The following STK32C variants were observed in gnomAD, a reference collection of about 807,000 sequenced individuals.
STK32C encodes serine/threonine kinase 32C.
In STK32C, 31 loss-of-function variants were observed where a neutral mutation model predicts 56.5. The observed-to-expected ratio is 0.55, with a 90% CI of 0.41 to 0.74. The LOEUF (loss-of-function observed/expected upper bound fraction) is 0.74. STK32C is among the 30% of genes least tolerant of loss of function. The pLI, the probability that STK32C is intolerant of heterozygous loss-of-function variation, is 0.00. For synonymous variants in STK32C, 309 were observed against 289.4 expected, an observed-to-expected ratio of 1.07 and a Z score of -0.69; for missense variants, 544 against 676.9, an observed-to-expected ratio of 0.80 and a Z score of 2.18.
rs889053528 is a variant in STK32C, at chr10:132,313,656, G to T, written c.301+17780C>A. ...ATGGGCAGACGTCAGCCAAAGGGGA[G>T]CAGGAGAGCAGCCCTCCGGGCAGAA... is the stretch of plus-strand genomic sequence containing the variant. On this transcript the variant is annotated intron_variant, in intron 1 of 3. Transcript: ENST00000368620. Among the ~76,000 whole-genome samples the T allele has an allele frequency of 4.6e-5, 7 of 152,246 alleles. No homozygotes were observed. The East Asian group carries it at 1.3e-3, about 29-fold the overall frequency.
upstream of STK32C, among the ~76,000 whole-genome samples, chr10:132,311,227 T>C (rs1359856578): frequency 6.6e-6 from 1 of 152,154 alleles, no homozygotes; most frequent in Non-Finnish European, 1.5e-5. The surrounding 1 kb of genome is among the most constrained non-coding windows in gnomAD (Gnocchi z 4.4). Flanking sequence ...GCCCACGCCT[T>C]TGTTAAGAGT....
chr10:132,251,007 G>A (rs1227533525), intron 1 of STK32C, among the ~76,000 whole-genome samples: 1 of 152,194 alleles, frequency 6.6e-6, no homozygotes, highest in Non-Finnish European at 1.5e-5. Context: ...CCTGGGTGGG[G>A]CCTATGGAGC....
In STK32C at chr10:132,273,084, AT is replaced by A. The variant is rs368590676; in HGVS notation, c.263-27130del. Among the ~76,000 whole-genome samples, 11 of 151,914 alleles carry A rather than the reference AT, an allele frequency of 7.2e-5. No individual in the cohort carries two copies. In the South Asian group the frequency reaches 1.2e-3, roughly 17 times the overall value. On this transcript the variant is annotated intron_variant, in intron 1 of 11. Transcript: ENST00000298630. ...AATGAAGACTGCAATTGCCCACATCATTTTTTTCCTTGCTGCCCCCCTCAAC... is the reference window on the plus strand; with the variant it reads ...AATGAAGACTGCAATTGCCCACATCATTTTTTCCTTGCTGCCCCCCTCAAC...
At chr10:132,239,263 T>C (rs1183219078) in intron 2 of STK32C, among the ~76,000 whole-genome samples, 1 of 152,170 alleles carries the variant, frequency 6.6e-6, no homozygotes, top group East Asian at 1.9e-4. Context: ...AGCCGGCAGA[T>C]TCCTTTGGTC....
chr10:132,266,219 A>C (rs1256806438), intron 1 of STK32C, among the ~76,000 whole-genome samples: 1 of 152,234 alleles, frequency 6.6e-6, no homozygotes, highest in Non-Finnish European at 1.5e-5. Context: ...TGAGGGAAAG[A>C]AGCCAGGTTT....
chr10:132,287,728 C>T (rs1051264887), intron 1 of STK32C, among the ~76,000 whole-genome samples: 8 of 152,010 alleles, frequency 5.3e-5, no homozygotes, highest in African/African-American at 1.9e-4. Context: ...ACTGGGATTA[C>T]AGGCATGAGC....
upstream of STK32C, among the ~76,000 whole-genome samples, chr10:132,309,715 G>A (rs144181035): frequency 1.3e-5 from 2 of 152,140 alleles, no homozygotes; most frequent in African/African-American, 2.4e-5. Flanking sequence ...GGAAGGGGAG[G>A]TACCAAGGCA....
chr10:132,233,073 T>C (rs1044999269), intron 2 of STK32C, among the ~76,000 whole-genome samples: 8 of 152,026 alleles, frequency 5.3e-5, no homozygotes, highest in Admixed American at 6.5e-5. Context: ...CAAGGAGAAG[T>C]AGAGCCTGGG....
chr10:132,209,125 A>G, intron 10 of STK32C, 24 bp from the exon 11 acceptor site: 1 of 1,608,644 alleles, frequency 6.2e-7, no homozygotes, highest in East Asian at 2.2e-5. Flanking sequence ...GGCACACGTG[A>G]GCGTGGGGGA....
intron 1 of STK32C, among the ~76,000 whole-genome samples, chr10:132,306,242 G>A (rs1369494444): frequency 1.3e-5 from 2 of 152,224 alleles, no homozygotes; most frequent in African/African-American, 4.8e-5. Flanking sequence ...AACCAGATGC[G>A]TTTCTCAGAC....
rs1590178522 is a variant in STK32C, at chr10:132,225,797, G to A, written c.645-13C>T. ...AGGCTTGACATCTCTAGAAAGAGCAGAAAGTGGGAAGGTGAGTTGGGAATC... is the reference window on the plus strand; with the variant it reads ...AGGCTTGACATCTCTAGAAAGAGCAAAAAGTGGGAAGGTGAGTTGGGAATC... On this transcript the variant is annotated splice_polypyrimidine_tract_variant and intron_variant, in intron 4 of 11. Coordinates refer to ENST00000298630, the MANE Select transcript of STK32C (RefSeq NM_173575.4). 2.5e-6 allele frequency: 4 copies of A among 1,613,924 alleles called. No homozygotes were observed. In the East Asian group the frequency reaches 8.9e-5, roughly 36 times the overall value.
chr10:132,265,936 G>A (rs1286035227), intron 1 of STK32C, among the ~76,000 whole-genome samples: 1 of 152,174 alleles, frequency 6.6e-6, no homozygotes, highest in Non-Finnish European at 1.5e-5. Flanking sequence ...GGGAAACTCA[G>A]GCAGCATCTT....
chr10:132,315,099 A>T (rs559141650), intron 1 of STK32C, among the ~76,000 whole-genome samples: 1 of 152,224 alleles, frequency 6.6e-6, no homozygotes, highest in Non-Finnish European at 1.5e-5. Flanking sequence ...GCACCATTGC[A>T]TTCCAGCCTG....
At chr10:132,211,717 G>A (rs927427380) in intron 10 of STK32C, among the ~76,000 whole-genome samples, 1 of 152,220 alleles carries the variant, frequency 6.6e-6, no homozygotes, top group African/African-American at 2.4e-5. Context: ...GAAGGCCACA[G>A]AGGGGCCCTT....
At chr10:132,233,999 T>C (rs1254584763) in intron 2 of STK32C, among the ~76,000 whole-genome samples, 1 of 152,216 alleles carries the variant, frequency 6.6e-6, no homozygotes, top group Non-Finnish European at 1.5e-5. Context: ...TACTGTTTTC[T>C]GGTGCTTGCA....
intron 10 of STK32C, among the ~76,000 whole-genome samples, chr10:132,210,629 C>A (rs752571771): frequency 3.3e-5 from 5 of 152,256 alleles, no homozygotes; most frequent in South Asian, 2.1e-4. Context: ...GTGGGAGATG[C>A]AGAAGGCTGT....
At chr10:132,323,134 C>T (rs148032556), downstream of STK32C, among the ~76,000 whole-genome samples, 685 of 152,018 alleles carry the variant, frequency 4.5e-3, 9 homozygotes, top group African/African-American at 0.016. This position sits in a 1 kb window ranked among gnomAD's most constrained non-coding sequence, Gnocchi z 4.8. Flanking sequence ...GAAATAATGA[C>T]GTTTTCAGTT....
chr10:132,310,996 G>A (rs2066209422), upstream of STK32C, among the ~76,000 whole-genome samples: 1 of 152,190 alleles, frequency 6.6e-6, no homozygotes, highest in Admixed American at 6.5e-5. This position sits in a 1 kb window ranked among gnomAD's most constrained non-coding sequence, Gnocchi z 4.6. Context: ...GTGAGTGGCC[G>A]TGGCATGTGC....
intron 2 of STK32C, among the ~76,000 whole-genome samples, chr10:132,241,694 G>A (rs950461866): frequency 4.6e-5 from 7 of 152,184 alleles, no homozygotes; most frequent in African/African-American, 7.2e-5. Context: ...AGAACACTGC[G>A]GACTCACTGG....
Sources: allele counts gnomAD v4.1 joint callset (sites outside exome capture counted in the v4.1 genomes callset), GRCh38; gene constraint gnomAD v4.1.1; non-coding constraint Gnocchi (gnomAD v3.1); transcripts MANE v1.5; gene names NCBI Gene and HGNC (gene_info 2026-07-23, HGNC 2026-07-21).